The following PDCD6 variants were observed in gnomAD, a reference collection of about 807,000 sequenced individuals.
PDCD6 encodes the protein programmed cell death 6.
A neutral mutation model predicts 28.3 loss-of-function variants in PDCD6; 12 were observed. That is an observed-to-expected ratio of 0.42 (90% confidence interval 0.27 to 0.69). The LOEUF is 0.69. PDCD6 is among the 30% of genes least tolerant of loss of function. PDCD6 has a pLI of 0.22. For synonymous variants in PDCD6, 92 were observed against 108.0 expected, an observed-to-expected ratio of 0.85 and a Z score of 0.92; for missense variants, 226 against 269.9, an observed-to-expected ratio of 0.84 and a Z score of 1.14.
intron 5 of PDCD6, chr5:311,789 GT>G (rs1162699070): frequency 1.4e-5 from 3 of 207,910 alleles, no homozygotes; most frequent in Admixed American, 6.2e-5. Flanking sequence ...TGCGTCCCGG[GT>G]TTAAGCAATT....
chr5:278,987 C>T (rs1319162941), intron 2 of PDCD6, among the ~76,000 whole-genome samples: 1 of 152,048 alleles, frequency 6.6e-6, no homozygotes, highest in African/African-American at 2.4e-5. Context: ...GGTTGTTTCG[C>T]GCCAAGCTAA....
intron 2 of PDCD6, among the ~76,000 whole-genome samples, chr5:279,267 T>A (rs1306225120): frequency 6.6e-6 from 1 of 151,834 alleles, no homozygotes; most frequent in African/African-American, 2.4e-5. Context: ...GACTTATAGG[T>A]GTTGCTTGTG....
intron 5 of PDCD6, 150 bp from the exon 6 acceptor site, chr5:314,267 C>T: frequency 1.6e-6 from 1 of 613,488 alleles, no homozygotes. Context: ...TGAACAGCTC[C>T]AGCCCCACCT....
chr5:288,578 A>G (rs1739127430), intron 2 of PDCD6, among the ~76,000 whole-genome samples: 1 of 149,882 alleles, frequency 6.7e-6, no homozygotes, highest in Non-Finnish European at 1.5e-5. Context: ...AAAAATCTAT[A>G]CACAAACCAC....
At chr5:272,636 G>C in intron 1 of PDCD6, 75 bp from the exon 2 acceptor site, 1 of 1,526,320 alleles carries the variant, frequency 6.6e-7, no homozygotes, top group Non-Finnish European at 8.8e-7. Flanking sequence ...GTCGGTGCAG[G>C]GTTGACAGAA....
intron 2 of PDCD6, among the ~76,000 whole-genome samples, chr5:277,123 G>T (rs2126683991): frequency 6.6e-6 from 1 of 152,084 alleles, no homozygotes; most frequent in Non-Finnish European, 1.5e-5. Flanking sequence ...TTCGTTTGAA[G>T]GTTTTTTTAT....
chr5:293,277 C>T (rs1418222947), intron 2 of PDCD6, among the ~76,000 whole-genome samples: 1 of 151,630 alleles, frequency 6.6e-6, no homozygotes, highest in Non-Finnish European at 1.5e-5. Context: ...TGCAAACACC[C>T]ACGATACTGT....
At chr5:295,399 A>G (rs1314809297) in intron 2 of PDCD6, among the ~76,000 whole-genome samples, 1 of 151,904 alleles carries the variant, frequency 6.6e-6, no homozygotes, top group East Asian at 1.9e-4. Context: ...GCAGGGTGGA[A>G]ATAATTTCTG....
chr5:306,809 G>A (rs764933316), intron 4 of PDCD6, 49 bp downstream of exon 4: 4 of 1,578,228 alleles, frequency 2.5e-6, no homozygotes, highest in Non-Finnish European at 2.6e-6. Flanking sequence ...TTGGAACCTT[G>A]GAGCCGTTGA....
intron 2 of PDCD6, 143 bp downstream of exon 2, chr5:272,915 T>A: frequency 7.3e-7 from 1 of 1,370,208 alleles, no homozygotes; most frequent in Non-Finnish European, 9.9e-7. Context: ...GTAGTGGAGA[T>A]GCTTCTGGTT....
intron 2 of PDCD6, among the ~76,000 whole-genome samples, chr5:281,594 C>T (rs146664261): frequency 4.2e-4 from 63 of 151,668 alleles, no homozygotes; most frequent in African/African-American, 1.5e-3. Context: ...ATTGGTGGGT[C>T]GTAGAGCTGG....
chr5:308,960 C>T lies in PDCD6; in HGVS notation c.367+2200C>T, dbSNP rs2672769. On this transcript the variant is annotated intron_variant, in intron 4 of 5. Coordinates refer to ENST00000264933, the MANE Select transcript of PDCD6 (RefSeq NM_013232.4). ...CGGCACCGGGACAGCTGACTCAGCA[C>T]GTGCCGTTTAGGTTGCTGTAAACAG... 1,323 of 154,730 alleles carry T rather than the reference C, an allele frequency of 8.6e-3. 28 individuals carry two copies. The highest frequency in any genetic ancestry group is 0.03 in the African/African-American group (1,265 of 41,626). 9.6% of individuals were successfully genotyped at this position (154,730 alleles called of 1,614,324 possible).
chr5:284,733 C>T (rs892112594), intron 2 of PDCD6, among the ~76,000 whole-genome samples: 3 of 150,252 alleles, frequency 2.0e-5, no homozygotes, highest in Admixed American at 1.3e-4. Context: ...GTTTCAGGGC[C>T]GTGCAGCTGG....
At chr5:301,096 G>T (rs904428042) in intron 2 of PDCD6, among the ~76,000 whole-genome samples, 4 of 152,256 alleles carry the variant, frequency 2.6e-5, no homozygotes, top group African/African-American at 9.6e-5. Flanking sequence ...TTCTGCTTAT[G>T]ATCAGGACAC....
Position 271,679 on chromosome 5 carries a change from T to G in PDCD6, c.-42T>G, listed in dbSNP as rs1737800221. On this transcript the variant is annotated 5_prime_UTR_variant, in exon 1 of 6. Transcript: ENST00000264933. ...AAGCGGAGTCGGCCTGAGAGGTCTCTCGTCGCTGCAGGCGCCTCAGCCCAG... is the reference window on the plus strand; with the variant it reads ...AAGCGGAGTCGGCCTGAGAGGTCTCGCGTCGCTGCAGGCGCCTCAGCCCAG... 8.3e-7 allele frequency: 1 copy of G among 1,206,572 alleles called. No homozygotes were observed. The highest frequency in any genetic ancestry group is 1.2e-6 in the Non-Finnish European group (1 of 848,486). 74.7% of individuals were successfully genotyped at this position (1,206,572 alleles called of 1,614,324 possible).
intron 5 of PDCD6, 56 bp downstream of exon 5, chr5:311,458 A>G: frequency 1.7e-6 from 2 of 1,151,170 alleles, no homozygotes; most frequent in East Asian, 2.4e-5. Context: ...CTTGCTTGCC[A>G]GCGTGATGCA....
chr5:307,797 C>T lies in PDCD6; in HGVS notation c.367+1037C>T, dbSNP rs1327054614. Among the ~76,000 whole-genome samples, 1 of 152,146 alleles carries T rather than the reference C, an allele frequency of 6.6e-6. No individual in the cohort carries two copies. The highest frequency in any genetic ancestry group is 2.4e-5 in the African/African-American group (1 of 41,422). ...CTTATCTAAGCACGTCGCCTCTCCT[C>T]GTGTTTCCTCCCAGCATGCACTTTG... is the stretch of plus-strand genomic sequence containing the variant. On this transcript the variant is annotated intron_variant, in intron 4 of 5. Transcript: ENST00000264933. This position sits in a 1 kb window ranked among gnomAD's most constrained non-coding sequence, Gnocchi z 6.1.
At chr5:282,179 G>C (rs1003988981) in intron 2 of PDCD6, among the ~76,000 whole-genome samples, 2 of 151,118 alleles carry the variant, frequency 1.3e-5, no homozygotes, top group Non-Finnish European at 2.9e-5. Flanking sequence ...CTGAAGACTC[G>C]GGGAGCAGCT....
chr5:298,629 ACCCAGCTGCTCCC>A (rs1403239864), intron 2 of PDCD6, among the ~76,000 whole-genome samples: 3 of 52,892 alleles, frequency 5.7e-5, no homozygotes, highest in Non-Finnish European at 1.1e-4. Context: ...CCCTGCCCCC[ACCCAGCTGCTCCC>A]CCCAGCTGCT....
Sources: allele counts gnomAD v4.1 joint callset (sites outside exome capture counted in the v4.1 genomes callset), GRCh38; gene constraint gnomAD v4.1.1; non-coding constraint Gnocchi (gnomAD v3.1); transcripts MANE v1.5; gene names NCBI Gene and HGNC (gene_info 2026-07-23, HGNC 2026-07-21).